Variants in DTNB observed in about 807,000 individuals in gnomAD.
DTNB encodes DTN-B.
Under a neutral mutation model 90.7 loss-of-function variants are expected in DTNB, and 63 were observed. That is an observed-to-expected ratio of 0.69 (90% confidence interval 0.57 to 0.86). The LOEUF is 0.86. Ranked by LOEUF, DTNB falls within the 40% of genes least tolerant of loss-of-function variation. DTNB has a pLI of 0.00. For synonymous variants in DTNB, 277 were observed against 286.7 expected, an observed-to-expected ratio of 0.97 and a Z score of 0.34; for missense variants, 744 against 807.1, an observed-to-expected ratio of 0.92 and a Z score of 0.95.
intron 16 of DTNB, among the ~76,000 whole-genome samples, chr2:25,393,186 T>C (rs925013556): frequency 7.2e-5 from 11 of 152,174 alleles, no homozygotes; most frequent in African/African-American, 2.4e-4. Context: ...CAGCATCGCT[T>C]TATGACTAAA....
intron 10 of DTNB, among the ~76,000 whole-genome samples, chr2:25,475,992 GT>G (rs1429548179): frequency 6.6e-6 from 1 of 151,962 alleles, no homozygotes; most frequent in Non-Finnish European, 1.5e-5. Context: ...TGAAGAAGAT[GT>G]ACAAGGAGAT....
intron 8 of DTNB, among the ~76,000 whole-genome samples, chr2:25,555,623 GATC>G (rs1285166722): frequency 2.0e-5 from 3 of 152,126 alleles, no homozygotes; most frequent in African/African-American, 7.2e-5. Context: ...ACAAAACTGA[GATC>G]ATTATATATA....
intron 19 of DTNB, 24 bp downstream of exon 19, chr2:25,383,812 G>T: frequency 6.2e-7 from 1 of 1,614,034 alleles, no homozygotes; most frequent in Non-Finnish European, 8.5e-7. Context: ...ATTTAAACGA[G>T]CAGTCCTGCT....
chr2:25,422,722 T>C (rs915497733), intron 15 of DTNB, among the ~76,000 whole-genome samples: 3 of 151,956 alleles, frequency 2.0e-5, no homozygotes, highest in Non-Finnish European at 4.4e-5. Flanking sequence ...TCAAAAGCAA[T>C]ATCAGACAAA....
At chr2:25,585,085 G>T (rs976521298) in intron 6 of DTNB, among the ~76,000 whole-genome samples, 7 of 152,060 alleles carry the variant, frequency 4.6e-5, no homozygotes, top group South Asian at 4.2e-4. Context: ...TTTTGCTCTT[G>T]AGTTGAACAC....
At chr2:25,468,409 C>T (rs973738627) in intron 10 of DTNB, among the ~76,000 whole-genome samples, 1 of 152,172 alleles carries the variant, frequency 6.6e-6, no homozygotes, top group African/African-American at 2.4e-5. Flanking sequence ...CTTGTCTGAA[C>T]TGTCCATGTT....
At chr2:25,403,142 G>T (rs966360230) in intron 16 of DTNB, among the ~76,000 whole-genome samples, 1 of 152,072 alleles carries the variant, frequency 6.6e-6, no homozygotes, top group Non-Finnish European at 1.5e-5. Context: ...TTGAGACAGA[G>T]TCTTGCTCTG....
At chr2:25,439,678 T>C (rs185785428) in intron 12 of DTNB, among the ~76,000 whole-genome samples, 178 of 152,328 alleles carry the variant, frequency 1.2e-3, no homozygotes, top group African/African-American at 4.0e-3. Flanking sequence ...GACGAATTAG[T>C]AATCCTAGCT....
At position 25,628,232 on chromosome 2, in the gene DTNB, G is replaced by A; in HGVS notation, c.301C>T (p.Gln101Ter). The A allele has an allele frequency of 6.2e-7, 1 of 1,613,654 alleles. No individual in the cohort carries two copies. The highest frequency in any genetic ancestry group is 8.5e-7 in the Non-Finnish European group (1 of 1,179,830). Residue 101 changes from glutamine (Q) to a stop codon, truncating the protein, a stop_gained, in exon 4 of 21, where the codon CAA becomes TAA. Transcript: ENST00000406818. LOFTEE classifies it high-confidence loss of function. ...QLNKRLPSTH[Q>*]ISVEQSISLL... ...CTGATAGATTGTTCCACACTAATTTGGTGAGTAGAAGGAAGGCGCTTGTTC... is the reference window on the plus strand; with the variant it reads ...CTGATAGATTGTTCCACACTAATTTAGTGAGTAGAAGGAAGGCGCTTGTTC...
At chr2:25,624,888 T>C (rs1380602989) in intron 4 of DTNB, among the ~76,000 whole-genome samples, 1 of 152,146 alleles carries the variant, frequency 6.6e-6, no homozygotes, top group Admixed American at 6.5e-5. Flanking sequence ...CTTGTGGCTT[T>C]CACTAAGATT....
chr2:25,541,843 T>C (rs562726279), intron 8 of DTNB, among the ~76,000 whole-genome samples: 40 of 152,326 alleles, frequency 2.6e-4, no homozygotes, highest in Non-Finnish European at 2.9e-5. Flanking sequence ...CATACTACTT[T>C]CCACAAAAGT....
intron 9 of DTNB, among the ~76,000 whole-genome samples, chr2:25,483,989 T>C (rs557760618): frequency 6.6e-6 from 1 of 152,240 alleles, no homozygotes; most frequent in Non-Finnish European, 1.5e-5. Context: ...TCCCATGTTG[T>C]ACAGGTTTGT....
chr2:25,506,333 T>G (rs973049966), intron 9 of DTNB, among the ~76,000 whole-genome samples: 1 of 152,120 alleles, frequency 6.6e-6, no homozygotes, highest in Admixed American at 6.5e-5. Context: ...ATATTCAAGG[T>G]GACGGATACC....
At chr2:25,492,943 C>T (rs940898846) in intron 9 of DTNB, among the ~76,000 whole-genome samples, 1 of 152,182 alleles carries the variant, frequency 6.6e-6, no homozygotes, top group African/African-American at 2.4e-5. Flanking sequence ...TTTCCCCAGG[C>T]CCTTTGACAG....
intron 19 of DTNB, chr2:25,379,665 TTGAG>T (rs1040511725): frequency 1.1e-5 from 3 of 283,242 alleles, no homozygotes; most frequent in Non-Finnish European, 2.0e-5. Flanking sequence ...TGACTGCGCC[TTGAG>T]TGAGGGCGGT....
intron 1 of DTNB, among the ~76,000 whole-genome samples, chr2:25,673,180 G>A (rs1254549352): frequency 1.3e-5 from 2 of 151,592 alleles, no homozygotes; most frequent in Non-Finnish European, 2.9e-5. Flanking sequence ...TCCCTCCGGG[G>A]CTAGCCGCGC....
chr2:25,437,671 G>T (rs1416808322), intron 12 of DTNB, among the ~76,000 whole-genome samples: 1 of 152,200 alleles, frequency 6.6e-6, no homozygotes, highest in South Asian at 2.1e-4. Context: ...AGACGGGAAT[G>T]ATTTCATAAC....
intron 1 of DTNB, among the ~76,000 whole-genome samples, chr2:25,659,694 G>A (rs377742918): frequency 1.3e-5 from 2 of 151,838 alleles, no homozygotes; most frequent in African/African-American, 2.4e-5. Context: ...GCCAGAACTC[G>A]CCCAGGGTGA....
At chr2:25,650,432 C>G (rs858664) in intron 2 of DTNB, among the ~76,000 whole-genome samples, 1 of 152,064 alleles carries the variant, frequency 6.6e-6, no homozygotes, top group Non-Finnish European at 1.5e-5. Flanking sequence ...AGCAGTATGA[C>G]GGGTGGTGGA....
Sources: allele counts gnomAD v4.1 joint callset (sites outside exome capture counted in the v4.1 genomes callset), GRCh38; gene constraint gnomAD v4.1.1; transcripts MANE v1.5; gene names NCBI Gene and HGNC (gene_info 2026-07-23, HGNC 2026-07-21).